GRID2: variants seen among roughly 807,000 people sequenced by gnomAD.
GRID2 encodes glutamate ionotropic receptor delta type subunit 2.
GRID2 carries 33 observed loss-of-function variants against 114.8 expected under a neutral mutation model. The observed-to-expected ratio is 0.29, with a 90% CI of 0.22 to 0.38. The LOEUF is 0.38. Among genes scored for constraint, GRID2 ranks in the 10% least tolerant of loss-of-function variants. The pLI is 1.00. For missense variants in GRID2, 1,184 were observed against 1,257.7 expected (o/e 0.94, Z 0.89); for synonymous variants, 505 against 449.9 (o/e 1.12, Z -1.55).
chr4:92,443,155 G>T (rs1365252068), intron 1 of GRID2, among the ~76,000 whole-genome samples: 1 of 152,120 alleles, frequency 6.6e-6, no homozygotes, highest in Non-Finnish European at 1.5e-5. Flanking sequence ...TGGGCACAGA[G>T]ACTAGGAAGG....
chr4:92,592,937 G>A (rs573094330), intron 2 of GRID2, among the ~76,000 whole-genome samples: 37 of 151,910 alleles, frequency 2.4e-4, no homozygotes, highest in African/African-American at 8.2e-4. Context: ...AAGTAATTTA[G>A]GAGAAAACCT....
intron 14 of GRID2, among the ~76,000 whole-genome samples, chr4:93,704,328 C>G (rs941599917): frequency 6.6e-6 from 1 of 152,124 alleles, no homozygotes; most frequent in Non-Finnish European, 1.5e-5. Context: ...CCTTCACCCA[C>G]TTTTTGATGG....
chr4:93,585,894 T>TA (rs535047920), intron 13 of GRID2, among the ~76,000 whole-genome samples: 44 of 152,238 alleles, frequency 2.9e-4, no homozygotes, highest in African/African-American at 1.0e-3. Flanking sequence ...ACTGAATAAA[T>TA]AAATAAAAGA....
At chr4:93,755,040 A>AT (rs1254073956) in intron 14 of GRID2, among the ~76,000 whole-genome samples, 1 of 152,198 alleles carries the variant, frequency 6.6e-6, no homozygotes, top group Non-Finnish European at 1.5e-5. Context: ...AGCTCTTGCC[A>AT]TTATCATGGA....
chr4:93,495,587 A>G (rs1316633084), intron 12 of GRID2, among the ~76,000 whole-genome samples: 1 of 151,812 alleles, frequency 6.6e-6, no homozygotes, highest in African/African-American at 2.4e-5. Flanking sequence ...GTGACGTTGT[A>G]GAAAGACAAC....
At chr4:93,650,397 C>T (rs920464634) in intron 14 of GRID2, among the ~76,000 whole-genome samples, 29 of 151,840 alleles carry the variant, frequency 1.9e-4, no homozygotes, top group African/African-American at 6.5e-4. Context: ...TAAAATACCT[C>T]AATGAAATAA....
At chr4:93,428,463 T>C (rs1154861) in intron 10 of GRID2, among the ~76,000 whole-genome samples, 103,961 of 151,832 alleles carry the variant, frequency 0.68, 35,942 homozygotes, top group African/African-American at 0.77. Flanking sequence ...GTATACTAAT[T>C]GAATCATGAC....
intron 2 of GRID2, among the ~76,000 whole-genome samples, chr4:92,976,343 A>G (rs984794497): frequency 2.6e-5 from 4 of 152,026 alleles, no homozygotes; most frequent in African/African-American, 9.7e-5. Flanking sequence ...TATATGATAT[A>G]TATCTCATGC....
At position 92,583,117 on chromosome 4, in the gene GRID2, G is replaced by A. The variant is rs1356977287; in HGVS notation, c.89-7014G>A. ...GAAGATTGCTAAGAAACTGAGAGCT[G>A]TGGATTCTGCAGCAATTATTACTAG... is the stretch of plus-strand genomic sequence containing the variant. On this transcript the variant is annotated intron_variant, in intron 1 of 15. Transcript: ENST00000282020. 3.3e-5 allele frequency among the ~76,000 whole-genome samples: 5 copies of A among 152,180 alleles called. No homozygotes were observed. In the East Asian group the frequency reaches 5.8e-4, roughly 18 times the overall value.
intron 8 of GRID2, among the ~76,000 whole-genome samples, chr4:93,332,299 T>TGAGAGAGA (rs10596544): frequency 2.2e-3 from 266 of 121,026 alleles, no homozygotes; most frequent in African/African-American, 7.8e-3. Flanking sequence ...TGTGTGTGTG[T>TGAGAGAGA]GAGAGAGAGA....
rs565407187 is a variant in GRID2, at chr4:92,807,842, T to C, written c.244+217556T>C. ...ATGTGTGCGTATGTGTCTGTCTATG[T>C]ATTATTTTGTGGAAATCAGCTTAAA... On this transcript the variant is annotated intron_variant, in intron 2 of 15. Transcript: ENST00000282020. Among the ~76,000 whole-genome samples, 11 of 152,124 alleles carry C rather than the reference T, an allele frequency of 7.2e-5. No homozygotes were observed. The South Asian group carries it at 2.1e-3, about 29-fold the overall frequency.
intron 2 of GRID2, among the ~76,000 whole-genome samples, chr4:93,032,333 TA>T (rs1297549625): frequency 6.6e-6 from 1 of 152,182 alleles, no homozygotes; most frequent in Non-Finnish European, 1.5e-5. Flanking sequence ...CTGAACTATC[TA>T]GGTTTATTTT....
rs554663844 is a variant in GRID2, at chr4:93,423,336, C to CTTTTTTTT, written c.1545+390_1545+397dup. Among the ~76,000 whole-genome samples, 17 of 73,572 alleles carry CTTTTTTTT rather than the reference C, an allele frequency of 2.3e-4. 1 individual carries two copies. The highest frequency in any genetic ancestry group is 4.6e-4 in the East Asian group (1 of 2,178). 48.3% of individuals were successfully genotyped at this position (73,572 alleles called of 152,430 possible). The stretch of plus-strand genomic sequence containing the variant: ...GCAATTTGTACTATTTTTTTTCTTT[C>CTTTTTTTT]TTTTTTTTTTTTTTTTTTTTTTTTT... On this transcript the variant is annotated intron_variant, in intron 10 of 15. Transcript: ENST00000282020.
At chr4:93,098,119 C>A (rs1362853860) in intron 3 of GRID2, among the ~76,000 whole-genome samples, 4 of 151,948 alleles carry the variant, frequency 2.6e-5, no homozygotes, top group Admixed American at 6.6e-5. Context: ...TGTCTTGTTG[C>A]TGTAGAGAGA....
Position 93,761,008 on chromosome 4 carries a change from G to T in GRID2, c.2361-8202G>T, listed in dbSNP as rs569258324. 3.3e-5 allele frequency among the ~76,000 whole-genome samples: 5 copies of T among 152,186 alleles called. No homozygotes were observed. In the South Asian group the frequency reaches 1.0e-3, roughly 32 times the overall value. On this transcript the variant is annotated intron_variant, in intron 14 of 15. Coordinates refer to ENST00000282020, the MANE Select transcript of GRID2 (RefSeq NM_001510.4). ...CTTCCAATCTCAGAATAAATGCTCA[G>T]ATATATTTTACAATATAATCAGAAA...
intron 2 of GRID2, among the ~76,000 whole-genome samples, chr4:92,701,008 A>AAC (rs1942479913): frequency 1.3e-5 from 2 of 151,930 alleles, no homozygotes; most frequent in Admixed American, 6.6e-5. Context: ...AAAAAAAAAA[A>AAC]AAGACACATA....
At chr4:93,303,335 G>C (rs966401383) in intron 8 of GRID2, among the ~76,000 whole-genome samples, 1 of 152,196 alleles carries the variant, frequency 6.6e-6, no homozygotes, top group Non-Finnish European at 1.5e-5. Context: ...CATTGTTCCA[G>C]AGAGATTTAC....
chr4:93,017,100 G>C (rs1319525770), intron 2 of GRID2, among the ~76,000 whole-genome samples: 3 of 152,152 alleles, frequency 2.0e-5, no homozygotes, highest in Non-Finnish European at 4.4e-5. Flanking sequence ...CCCCTAAACA[G>C]ATTGTATCTT....
intron 10 of GRID2, among the ~76,000 whole-genome samples, chr4:93,454,790 T>C (rs529443291): frequency 6.6e-6 from 1 of 152,208 alleles, no homozygotes; most frequent in Admixed American, 6.5e-5. Context: ...AATAATTTAC[T>C]AGTGTTTTTG....
Sources: gnomAD v4.1 joint callset for allele counts (sites outside exome capture counted in the v4.1 genomes callset) on GRCh38, gnomAD v4.1.1 for gene constraint, MANE v1.5 for transcripts, NCBI Gene and HGNC (gene_info 2026-07-23, HGNC 2026-07-21) for gene names.